MMS22L: variants seen among roughly 807,000 people sequenced by gnomAD.
MMS22L encodes MMS22 like, DNA repair protein, also known as protein MMS22-like.
In MMS22L, 74 loss-of-function variants were observed where a neutral mutation model predicts 159.1. The ratio of observed to expected loss-of-function variants is 0.47; its 90% confidence interval spans 0.39 to 0.56. The LOEUF (loss-of-function observed/expected upper bound fraction) is 0.56, where lower values mean the gene tolerates loss of function less well. Among genes scored for constraint, MMS22L ranks in the 20% least tolerant of loss-of-function variants. The pLI is 0.00. For synonymous variants in MMS22L, 517 were observed against 506.9 expected (o/e 1.02, Z -0.27); for missense variants, 1,351 against 1,422.1 (o/e 0.95, Z 0.80).
chr6:97,148,415 A>G (rs1801018343), intron 24 of MMS22L, among the ~76,000 whole-genome samples: 1 of 152,160 alleles, frequency 6.6e-6, no homozygotes, highest in South Asian at 2.1e-4. Context: ...AGGCTTCCTT[A>G]TTGCAGGAGA....
At chr6:97,148,294 ATACTT>A (rs1303112852) in intron 24 of MMS22L, among the ~76,000 whole-genome samples, 3 of 152,354 alleles carry the variant, frequency 2.0e-5, no homozygotes, top group Admixed American at 6.5e-5. Flanking sequence ...TGTATTTACT[ATACTT>A]TACTTTTTAT....
intron 6 of MMS22L, 33 bp from the exon 7 acceptor site, chr6:97,270,025 T>A: frequency 6.5e-7 from 1 of 1,527,484 alleles, no homozygotes; most frequent in South Asian, 1.1e-5. Flanking sequence ...TGATTGAGAA[T>A]TCATTAATAT....
At position 97,231,633 on chromosome 6, in the gene MMS22L, G is replaced by C. The variant is rs369399934; in HGVS notation, c.1322C>G (p.Ser441Cys). ...AGCAAGGCCTTTAAAAGGAAGCCAAGAAATACTGAAGGAACTATTCTAAAA... is the reference window on the plus strand; with the variant it reads ...AGCAAGGCCTTTAAAAGGAAGCCAACAAATACTGAAGGAACTATTCTAAAA... Reference protein sequence around the residue: ...SKNLNSSFSISWLPFKGLANT... With the variant: ...SKNLNSSFSICWLPFKGLANT... Residue 441 changes from serine (S) to cysteine (C), a missense_variant, in exon 13 of 25, where the codon TCT becomes TGT. Physicochemically the swap from Ser to Cys is moderately radical, Grantham distance 112. Transcript: ENST00000683635. The C allele has an allele frequency of 6.2e-7, 1 of 1,608,160 alleles. No homozygotes were observed. The highest frequency in any genetic ancestry group is 8.5e-7 in the Non-Finnish European group (1 of 1,176,902).
intron 18 of MMS22L, among the ~76,000 whole-genome samples, chr6:97,174,488 A>G (rs1803920534): frequency 6.6e-6 from 1 of 152,108 alleles, no homozygotes; most frequent in Admixed American, 6.5e-5. Context: ...ACCAAAAGAA[A>G]AAAGATTCAA....
chr6:97,210,718 T>G (rs1199718965), intron 14 of MMS22L, among the ~76,000 whole-genome samples: 1 of 151,924 alleles, frequency 6.6e-6, no homozygotes, highest in Non-Finnish European at 1.5e-5. Flanking sequence ...CTGTGTTGAA[T>G]CTCTAAATTA....
Position 97,278,857 on chromosome 6 carries a change from C to T in MMS22L, c.332G>A (p.Cys111Tyr). The T allele has an allele frequency of 6.2e-7, 1 of 1,613,092 alleles. No homozygotes were observed. Among genetic ancestry groups the T allele is most frequent in the South Asian group, 1.1e-5 (1 of 90,740 alleles). Reference sequence around the variant, plus strand: ...ACACACCTTAAACTTACCAAAATCACAACTGGACTGTAACAAGGTTTCCAA... The same window carrying T: ...ACACACCTTAAACTTACCAAAATCATAACTGGACTGTAACAAGGTTTCCAA... ...YNLETLLQSS[C>Y]DFGKVSTLHC... The change falls in exon 4 of 25, where the codon TGT becomes TAT. Residue 111 changes from cysteine to tyrosine, a missense_variant. By Grantham distance (194) the Cys-to-Tyr change is radical (BLOSUM62 -2). Transcript: ENST00000683635.
At chr6:97,190,679 T>C (rs181804956) in intron 14 of MMS22L, among the ~76,000 whole-genome samples, 6 of 152,288 alleles carry the variant, frequency 3.9e-5, no homozygotes, top group Non-Finnish European at 8.8e-5. Context: ...ATTATTCAAA[T>C]CTTATATATG....
intron 18 of MMS22L, among the ~76,000 whole-genome samples, chr6:97,174,207 C>T (rs1206128): frequency 0.45 from 67,579 of 149,620 alleles, 15,328 homozygotes; most frequent in South Asian, 0.53. Context: ...GAGCCAAGAT[C>T]GCACCACTGT....
chr6:97,226,900 C>T (rs904451703), intron 14 of MMS22L, among the ~76,000 whole-genome samples: 5 of 151,940 alleles, frequency 3.3e-5, no homozygotes, highest in African/African-American at 1.2e-4. Flanking sequence ...AGTGCTGTCC[C>T]CCTAGTTGTG....
intron 19 of MMS22L, among the ~76,000 whole-genome samples, chr6:97,172,194 C>A (rs1803617135): frequency 6.6e-6 from 1 of 152,012 alleles, no homozygotes; most frequent in South Asian, 2.1e-4. Context: ...CTTATAAATT[C>A]TCACTTACAT....
chr6:97,277,162 C>A (rs958590563), intron 4 of MMS22L, among the ~76,000 whole-genome samples: 1 of 152,130 alleles, frequency 6.6e-6, no homozygotes, highest in Non-Finnish European at 1.5e-5. Flanking sequence ...CGCCTGTAAT[C>A]CCAGCGCTTT....
At chr6:97,199,447 C>T (rs1249183795) in intron 14 of MMS22L, among the ~76,000 whole-genome samples, 2 of 152,078 alleles carry the variant, frequency 1.3e-5, no homozygotes, top group African/African-American at 4.8e-5. Flanking sequence ...CAGTCTCTTC[C>T]CCCCACCTCC....
Position 97,229,112 on chromosome 6 carries a change from C to T in MMS22L, c.1821G>A (p.Leu607=). The T allele has an allele frequency of 6.2e-7, 1 of 1,614,006 alleles. No individual in the cohort carries two copies. The highest frequency in any genetic ancestry group is 8.5e-7 in the Non-Finnish European group (1 of 1,179,926). Reference sequence around the variant, plus strand: ...GTACCATTTCCTCATTCTTAGACACCAAGAATTCCTTTGCTTTCTCCCGGA... The same window carrying T: ...GTACCATTTCCTCATTCTTAGACACTAAGAATTCCTTTGCTTTCTCCCGGA... ...CAFREKAKEF[L]VSKNEEMVQR... Residue 607 remains leucine (L), a synonymous_variant, in exon 14 of 25, where the codon TTG becomes TTA. Transcript: ENST00000683635.
chr6:97,184,161 A>G (rs1258207779), intron 15 of MMS22L, among the ~76,000 whole-genome samples: 1 of 152,060 alleles, frequency 6.6e-6, no homozygotes, highest in African/African-American at 2.4e-5. Flanking sequence ...CATCTATAGA[A>G]ACTGAGCTGT....
intron 16 of MMS22L, among the ~76,000 whole-genome samples, chr6:97,181,679 G>C (rs952957648): frequency 2.0e-5 from 3 of 151,982 alleles, no homozygotes; most frequent in Non-Finnish European, 4.4e-5. Flanking sequence ...GTTTTGAAAG[G>C]GCTTAACAAA....
intron 11 of MMS22L, 68 bp from the exon 12 acceptor site, chr6:97,234,048 T>C: frequency 1.3e-6 from 2 of 1,537,818 alleles, no homozygotes; most frequent in East Asian, 2.3e-5. Context: ...TCACTTGATA[T>C]TGTGCTGTAT....
intron 10 of MMS22L, among the ~76,000 whole-genome samples, chr6:97,252,132 G>C (rs1451350381): frequency 4.0e-5 from 6 of 150,970 alleles, no homozygotes; most frequent in Non-Finnish European, 8.8e-5. Flanking sequence ...TGCAACCATA[G>C]GTGGTTATAT....
At chr6:97,168,710 G>C (rs999179913) in intron 19 of MMS22L, among the ~76,000 whole-genome samples, 6 of 152,092 alleles carry the variant, frequency 3.9e-5, no homozygotes, top group Non-Finnish European at 5.9e-5. Context: ...TTTTAGACAA[G>C]GGCTAGTCAA....
At position 97,195,338 on chromosome 6, in the gene MMS22L, G is replaced by C. The variant is rs1278575912; in HGVS notation, c.2040-8648C>G. Among the ~76,000 whole-genome samples the C allele has an allele frequency of 1.3e-5, 2 of 152,180 alleles. 1 individual carries two copies. The highest frequency in any genetic ancestry group is 2.9e-5 in the Non-Finnish European group (2 of 68,036). Reference sequence around the variant, plus strand: ...GAGAGGTGGCAGGGTTCCAGACCATGTAAGATCTTGTGAGCCATGTAAGGA... The same window carrying C: ...GAGAGGTGGCAGGGTTCCAGACCATCTAAGATCTTGTGAGCCATGTAAGGA... On this transcript the variant is annotated intron_variant, in intron 14 of 24. Coordinates refer to ENST00000683635, the MANE Select transcript of MMS22L (RefSeq NM_001350599.2).
Sources: gnomAD v4.1 joint callset for allele counts (sites outside exome capture counted in the v4.1 genomes callset) on GRCh38, gnomAD v4.1.1 for gene constraint, MANE v1.5 for transcripts, NCBI Gene and HGNC (gene_info 2026-07-23, HGNC 2026-07-21) for gene names.